The following UMPS variants were observed in gnomAD, a reference collection of about 807,000 sequenced individuals.
UMPS encodes uridine monophosphate synthetase, also known as uridine 5'-monophosphate synthase.
In UMPS, 21 loss-of-function variants were observed where a neutral mutation model predicts 38.9. The ratio of observed to expected loss-of-function variants is 0.54; its 90% CI spans 0.38 to 0.78. The LOEUF (loss-of-function observed/expected upper bound fraction) is 0.78, where lower values mean the gene tolerates loss of function less well. UMPS is among the 30% of genes least tolerant of loss of function. The pLI, the probability that UMPS is intolerant of heterozygous loss-of-function variation, is 0.00. For synonymous variants in UMPS, 208 were observed against 219.3 expected, an observed-to-expected ratio of 0.95 and a Z score of 0.45; for missense variants, 533 against 591.6, an observed-to-expected ratio of 0.90 and a Z score of 1.03.
intron 1 of UMPS, among the ~76,000 whole-genome samples, chr3:124,734,525 C>T (rs1199988905): frequency 6.6e-6 from 1 of 152,176 alleles, no homozygotes; most frequent in Non-Finnish European, 1.5e-5. Flanking sequence ...CAGCACATCT[C>T]AGGTTGCCTT....
At position 124,748,994 on chromosome 3, in the gene UMPS, G is replaced by A. The variant is rs1034943182; in HGVS notation, c.*4910G>A. The A allele has an allele frequency of 8.8e-6, 4 of 453,958 alleles. No individual in the cohort carries two copies. The highest frequency in any genetic ancestry group is 4.7e-5 in the Admixed American group (2 of 42,552). 28.1% of individuals were successfully genotyped at this position (453,958 alleles called of 1,614,324 possible). ...CATGAGGACAACCATGTCTTCGGGGGTGCCCTTGTGCACAGACAGCTCCAT... is the reference window on the plus strand; with the variant it reads ...CATGAGGACAACCATGTCTTCGGGGATGCCCTTGTGCACAGACAGCTCCAT... On this transcript the variant is annotated 3_prime_UTR_variant, in exon 6 of 6. Transcript: ENST00000232607.
chr3:124,738,223 G>A lies in UMPS; in HGVS notation c.966G>A (p.Val322=). Residue 322 remains valine (V), a synonymous_variant, in exon 3 of 6, where the codon GTG becomes GTA. Coordinates refer to ENST00000232607, the MANE Select transcript of UMPS (RefSeq NM_000373.4). ...AGTTTGCAGATATAGGAAACACAGT[G>A]AAAAAGCAGTATGAAGGTAAGTGTA... The part of the protein sequence containing the change: ...DRKFADIGNT[V]KKQYEGGIFK... 1 of 1,613,952 alleles carries A rather than the reference G, an allele frequency of 6.2e-7. No individual in the cohort carries two copies. The highest frequency in any genetic ancestry group is 1.6e-4 in the Middle Eastern group (1 of 6,062).
rs17843831 is a variant in UMPS, at chr3:124,739,353, A to G, written c.983-671A>G. On this transcript the variant is annotated intron_variant, in intron 3 of 5. Transcript: ENST00000232607. ...TATTTTTATTATTATTTTTTTTGAGATGGGGTCTTGCTCTGTCGCCCAGGC... is the reference window on the plus strand; with the variant it reads ...TATTTTTATTATTATTTTTTTTGAGGTGGGGTCTTGCTCTGTCGCCCAGGC... Among the ~76,000 whole-genome samples, 284 of 152,190 alleles carry G rather than the reference A, an allele frequency of 1.9e-3. 2 individuals carry two copies. The South Asian group carries it at 0.022, about 12-fold the overall frequency.
chr3:124,735,420 G>T (rs2063511061), intron 2 of UMPS, among the ~76,000 whole-genome samples, 174 bp downstream of exon 2: 1 of 152,034 alleles, frequency 6.6e-6, no homozygotes, highest in South Asian at 2.1e-4. Flanking sequence ...TTTAGACTTG[G>T]GGTGAAATGC....
rs1411417671 is a variant in UMPS at position 124,735,143 on chromosome 3, C to T, written c.207C>T (p.Asp69=). 7.4e-6 allele frequency: 12 copies of T among 1,614,076 alleles called. No homozygotes were observed. Among genetic ancestry groups the T allele is most frequent in the Non-Finnish European group, 8.5e-6 (10 of 1,179,954 alleles). Residue 69 remains aspartate (D), a synonymous_variant, in exon 2 of 6, where the codon GAC becomes GAT. Coordinates refer to ENST00000232607, the MANE Select transcript of UMPS (RefSeq NM_000373.4). ...CCCAAAATGCAGGCATCAGTTTTGACACCGTGTGTGGAGTGCCTTATACAG... is the reference window on the plus strand; with the variant it reads ...CCCAAAATGCAGGCATCAGTTTTGATACCGTGTGTGGAGTGCCTTATACAG... ...QTAQNAGISF[D]TVCGVPYTAL...
At chr3:124,736,577 A>G (rs548823025) in intron 2 of UMPS, among the ~76,000 whole-genome samples, 69 of 152,234 alleles carry the variant, frequency 4.5e-4, no homozygotes, top group African/African-American at 1.6e-3. Context: ...TGCTGGGATT[A>G]CAGGTGTGAG....
intron 1 of UMPS, chr3:124,733,900 T>C (rs1345585871): frequency 6.6e-6 from 1 of 152,226 alleles, no homozygotes; most frequent in Non-Finnish European, 1.5e-5. Flanking sequence ...GTAAAAGCTT[T>C]TCAAGTATAA....
In UMPS at chr3:124,748,562, G is replaced by C. The variant is rs773720798; in HGVS notation, c.*4478G>C. On this transcript the variant is annotated 3_prime_UTR_variant, in exon 6 of 6. Transcript: ENST00000232607. ...GGGGAAAGTCTTCCTCTAGACAAGA[G>C]GCAGAGGGCTCCTCAGAGTCAGATC... is the stretch of plus-strand genomic sequence containing the variant. 1 of 454,034 alleles carries C rather than the reference G, an allele frequency of 2.2e-6. No homozygotes were observed. The highest frequency in any genetic ancestry group is 2.0e-5 in the African/African-American group (1 of 50,016). 28.1% of individuals were successfully genotyped at this position (454,034 alleles called of 1,614,324 possible).
intron 3 of UMPS, among the ~76,000 whole-genome samples, chr3:124,739,358 G>T: frequency 6.6e-6 from 1 of 152,108 alleles, no homozygotes; most frequent in South Asian, 2.1e-4. Context: ...TTGAGATGGG[G>T]TCTTGCTCTG....
chr3:124,741,485 T>C (rs1318442292), intron 4 of UMPS, among the ~76,000 whole-genome samples: 2 of 152,182 alleles, frequency 1.3e-5, no homozygotes, highest in Admixed American at 6.5e-5. Flanking sequence ...GACCAGTTGA[T>C]GTTACAGAAG....
rs981364470 is a variant in UMPS at position 124,744,483 on chromosome 3, C to A, written c.*399C>A. The A allele has an allele frequency of 2.2e-6, 1 of 454,012 alleles. No homozygotes were observed. Among genetic ancestry groups the A allele is most frequent in the African/African-American group, 2.0e-5 (1 of 49,980 alleles). 28.1% of individuals were successfully genotyped at this position (454,012 alleles called of 1,614,324 possible). A position where few individuals can be genotyped will look rare whatever the true frequency, so the allele number is the denominator to read the frequency against. ...AGGATGGAGTGCAGTGGTGAGATCACGGCTCATTGCAGCCTCGACCTCCCA... is the reference window on the plus strand; with the variant it reads ...AGGATGGAGTGCAGTGGTGAGATCAAGGCTCATTGCAGCCTCGACCTCCCA... On this transcript the variant is annotated 3_prime_UTR_variant, in exon 6 of 6. Transcript: ENST00000232607.
chr3:124,731,308 A>T (rs1434537540), intron 1 of UMPS, among the ~76,000 whole-genome samples: 2 of 152,172 alleles, frequency 1.3e-5, no homozygotes, highest in African/African-American at 2.4e-5. Context: ...GAACTCTGTG[A>T]TGTATACAAA....
chr3:124,742,160 G>A lies in UMPS; in HGVS notation c.1167G>A (p.Met389Ile), dbSNP rs542279845. 5 of 1,613,248 alleles carry A rather than the reference G, an allele frequency of 3.1e-6. No individual in the cohort carries two copies. In the South Asian group the frequency reaches 4.4e-5, roughly 14 times the overall value. Reference protein sequence around the residue: ...TGDYTRAAVRMAEEHSEFVVG... With the variant: ...TGDYTRAAVRIAEEHSEFVVG... Reference sequence around the variant, plus strand: ...TATTACATTCCATTTAGGTTAGAATGGCTGAGGAGCACTCTGAATTTGTTG... The same window carrying A: ...TATTACATTCCATTTAGGTTAGAATAGCTGAGGAGCACTCTGAATTTGTTG... Residue 389 changes from methionine (M) to isoleucine (I), a missense_variant, in exon 5 of 6, where the codon ATG (methionine) becomes ATA (isoleucine). Coordinates refer to ENST00000232607, the MANE Select transcript of UMPS (RefSeq NM_000373.4).
chr3:124,748,685 A>T lies in UMPS; in HGVS notation c.*4601A>T. ...AAGGGTGGGGAACTGTCAGCAGAGGAGGTCTGTGTCATGTTTTTCAGCGCT... is the reference window on the plus strand; with the variant it reads ...AAGGGTGGGGAACTGTCAGCAGAGGTGGTCTGTGTCATGTTTTTCAGCGCT... On this transcript the variant is annotated 3_prime_UTR_variant, in exon 6 of 6. Coordinates refer to ENST00000232607, the MANE Select transcript of UMPS (RefSeq NM_000373.4). 2.2e-6 allele frequency: 1 copy of T among 453,458 alleles called. No homozygotes were observed. The allele number at this position is 453,458 out of a possible 1,614,324, so 28.1% of individuals were successfully genotyped here.
chr3:124,746,724 C>G lies in UMPS; in HGVS notation c.*2640C>G, dbSNP rs896495292. ...CCATCCCCCAGCCTCTCCAGCTACT[C>G]GAGGCATTCTGTAGAACATAAGCCC... On this transcript the variant is annotated 3_prime_UTR_variant, in exon 6 of 6. Coordinates refer to ENST00000232607, the MANE Select transcript of UMPS (RefSeq NM_000373.4). 3 of 449,428 alleles carry G rather than the reference C, an allele frequency of 6.7e-6. No homozygotes were observed. The highest frequency in any genetic ancestry group is 4.7e-5 in the South Asian group (3 of 64,278). 27.8% of individuals were successfully genotyped at this position (449,428 alleles called of 1,614,324 possible). A position where few individuals can be genotyped will look rare whatever the true frequency, so the allele number is the denominator to read the frequency against.
At chr3:124,738,394 TTCTC>T in intron 3 of UMPS, 155 bp downstream of exon 3, 1 of 751,020 alleles carries the variant, frequency 1.3e-6, no homozygotes, top group South Asian at 1.6e-5. Flanking sequence ...ATGACTTGCT[TTCTC>T]TCCATCTCTC....
Position 124,747,499 on chromosome 3 carries a change from T to C in UMPS, c.*3415T>C. ...CCCCTCTCTGGCTTCTGCCACCACA[T>C]GGGAAGAATATGCCCTGGTTAGCCC... On this transcript the variant is annotated 3_prime_UTR_variant, in exon 6 of 6. Coordinates refer to ENST00000232607, the MANE Select transcript of UMPS (RefSeq NM_000373.4). 1 of 454,052 alleles carries C rather than the reference T, an allele frequency of 2.2e-6. No individual in the cohort carries two copies. The highest frequency in any genetic ancestry group is 1.6e-5 in the South Asian group (1 of 64,468). 28.1% of individuals were successfully genotyped at this position (454,052 alleles called of 1,614,324 possible).
In UMPS at chr3:124,747,441, G is replaced by A. The variant is rs1365541073; in HGVS notation, c.*3357G>A. 2.2e-6 allele frequency: 1 copy of A among 454,104 alleles called. No homozygotes were observed. The highest frequency in any genetic ancestry group is 2.0e-5 in the African/African-American group (1 of 50,100). 28.1% of individuals were successfully genotyped at this position (454,104 alleles called of 1,614,324 possible). A position where few individuals can be genotyped will look rare whatever the true frequency, so the allele number is the denominator to read the frequency against. ...GTGGGAGTCACTCAGTACCAGTTCC[G>A]AGCCTGAACCCAAACTCTCGTGTTT... On this transcript the variant is annotated 3_prime_UTR_variant, in exon 6 of 6. Coordinates refer to ENST00000232607, the MANE Select transcript of UMPS (RefSeq NM_000373.4).
At position 124,735,127 on chromosome 3, in the gene UMPS, C is replaced by T. The variant is rs1276602569; in HGVS notation, c.191C>T (p.Ala64Val). 10 of 1,613,846 alleles carry T rather than the reference C, an allele frequency of 6.2e-6. No individual in the cohort carries two copies. Among genetic ancestry groups the T allele is most frequent in the Non-Finnish European group, 6.8e-6 (8 of 1,179,900 alleles). The change falls in exon 2 of 6, where the codon GCA becomes GTA. Residue 64 changes from alanine (A) to valine (V), a missense_variant. Ala to Val is a moderately conservative substitution (Grantham distance 64). Transcript: ENST00000232607. The part of the protein sequence containing the change: ...ADILFQTAQN[A>V]GISFDTVCGV... ...ATTTTATTCCAAACTGCCCAAAATG[C>T]AGGCATCAGTTTTGACACCGTGTGT...
Sources: gnomAD v4.1 joint callset for allele counts (sites outside exome capture counted in the v4.1 genomes callset) on GRCh38, gnomAD v4.1.1 for gene constraint, MANE v1.5 for transcripts, NCBI Gene and HGNC (gene_info 2026-07-23, HGNC 2026-07-21) for gene names.